The following RAPGEF4 variants were observed in gnomAD, a reference collection of about 807,000 sequenced individuals.
The protein encoded by RAPGEF4 is RAP guanine-nucleotide-exchange factor (GEF) 4.
A neutral mutation model predicts 147.9 loss-of-function variants in RAPGEF4; 66 were observed. The ratio of observed to expected loss-of-function variants is 0.45; its 90% confidence interval spans 0.37 to 0.55. The LOEUF (loss-of-function observed/expected upper bound fraction) is 0.55. RAPGEF4 is among the 20% of genes least tolerant of loss of function. The pLI is 0.00. For missense variants in RAPGEF4, 1,071 were observed against 1,257.3 expected, an observed-to-expected ratio of 0.85 and a Z score of 2.24; for synonymous variants, 419 against 442.7, an observed-to-expected ratio of 0.95 and a Z score of 0.67.
At chr2:172,919,906 A>G (rs1328214428) in intron 5 of RAPGEF4, among the ~76,000 whole-genome samples, 1 of 151,896 alleles carries the variant, frequency 6.6e-6, no homozygotes, top group East Asian at 1.9e-4. Context: ...GCCCGGGCCC[A>G]GCGCCCTTCC....
At chr2:172,858,783 G>A (rs988518234) in intron 4 of RAPGEF4, among the ~76,000 whole-genome samples, 1 of 152,168 alleles carries the variant, frequency 6.6e-6, no homozygotes, top group Non-Finnish European at 1.5e-5. Flanking sequence ...TATAATCTAA[G>A]AAGAACTGAT....
intron 3 of RAPGEF4, among the ~76,000 whole-genome samples, chr2:172,803,440 C>T (rs560195173): frequency 3.3e-5 from 5 of 152,324 alleles, no homozygotes; most frequent in Non-Finnish European, 7.3e-5. Context: ...TTGGTCATGG[C>T]TGGAGTGGCT....
intron 4 of RAPGEF4, among the ~76,000 whole-genome samples, chr2:172,865,846 GTA>G (rs1012474150): frequency 6.6e-6 from 1 of 151,842 alleles, no homozygotes; most frequent in Non-Finnish European, 1.5e-5. Flanking sequence ...ATGTGTGTGT[GTA>G]TATATATATT....
At chr2:172,767,075 G>C (rs1186421850) in intron 1 of RAPGEF4, among the ~76,000 whole-genome samples, 3 of 151,880 alleles carry the variant, frequency 2.0e-5, no homozygotes, top group African/African-American at 7.3e-5. Flanking sequence ...AAAAGTCATA[G>C]TTTTTTATAT....
chr2:173,045,341 C>T (rs1685326049), intron 29 of RAPGEF4, among the ~76,000 whole-genome samples: 1 of 152,128 alleles, frequency 6.6e-6, no homozygotes, highest in Admixed American at 6.5e-5. Flanking sequence ...ATAGCATCAT[C>T]TAGATCAAGG....
intron 4 of RAPGEF4, among the ~76,000 whole-genome samples, chr2:172,834,109 T>G (rs1319486402): frequency 6.6e-6 from 1 of 152,174 alleles, no homozygotes; most frequent in African/African-American, 2.4e-5. Context: ...ATTTTGAAAT[T>G]CTATCACGTG....
At chr2:172,834,931 T>A (rs2149683129) in intron 4 of RAPGEF4, among the ~76,000 whole-genome samples, 1 of 152,368 alleles carries the variant, frequency 6.6e-6, no homozygotes, top group Non-Finnish European at 1.5e-5. Context: ...GGCAATGTCA[T>A]CCTTATCAGC....
chr2:172,863,624 T>A (rs1370956158), intron 4 of RAPGEF4, among the ~76,000 whole-genome samples: 1 of 152,186 alleles, frequency 6.6e-6, no homozygotes, highest in African/African-American at 2.4e-5. Flanking sequence ...ACATAACCAT[T>A]CATTATGATT....
At chr2:172,953,032 G>A (rs1189931988) in intron 6 of RAPGEF4, among the ~76,000 whole-genome samples, 4 of 152,052 alleles carry the variant, frequency 2.6e-5, no homozygotes, top group Non-Finnish European at 2.9e-5. Context: ...TCCTGGAAGC[G>A]CTTCCTTCGT....
intron 15 of RAPGEF4, 25 bp from the exon 16 acceptor site, chr2:172,996,441 A>T: frequency 7.1e-7 from 1 of 1,402,224 alleles, no homozygotes; most frequent in Non-Finnish European, 9.7e-7. Flanking sequence ...TTGAAAAATT[A>T]ATGGCATTTT....
intron 17 of RAPGEF4, among the ~76,000 whole-genome samples, chr2:173,001,735 G>A (rs1343613683): frequency 2.6e-5 from 4 of 152,026 alleles, no homozygotes; most frequent in Admixed American, 6.6e-5. Flanking sequence ...GTGGCTGAAG[G>A]TGAAGGGGGA....
chr2:172,771,993 T>A (rs1378684281), intron 1 of RAPGEF4, among the ~76,000 whole-genome samples: 1 of 152,162 alleles, frequency 6.6e-6, no homozygotes, highest in Non-Finnish European at 1.5e-5. Flanking sequence ...ATCCCAACAC[T>A]TCGGGAGGCT....
intron 1 of RAPGEF4, among the ~76,000 whole-genome samples, chr2:172,790,212 G>A (rs1458933911): frequency 6.6e-6 from 1 of 152,038 alleles, no homozygotes; most frequent in Non-Finnish European, 1.5e-5. Context: ...GTGACAATGA[G>A]CACCTTTTCA....
intron 17 of RAPGEF4, among the ~76,000 whole-genome samples, chr2:173,005,507 G>C: frequency 7.9e-6 from 1 of 127,314 alleles, no homozygotes; most frequent in Non-Finnish European, 1.7e-5. Context: ...TGTTGTTGTT[G>C]TTGTTGTTTT....
intron 4 of RAPGEF4, among the ~76,000 whole-genome samples, chr2:172,890,164 G>A (rs779897052): frequency 2.6e-5 from 4 of 152,208 alleles, no homozygotes; most frequent in Non-Finnish European, 4.4e-5. Context: ...AGGTTCTGAC[G>A]CCAGATGCCT....
At chr2:172,968,807 C>T (rs757490414) in intron 10 of RAPGEF4, among the ~76,000 whole-genome samples, 1 of 152,180 alleles carries the variant, frequency 6.6e-6, no homozygotes, top group Non-Finnish European at 1.5e-5. Flanking sequence ...TGAGGGGGCA[C>T]AAGAGAATCC....
intron 11 of RAPGEF4, among the ~76,000 whole-genome samples, chr2:172,983,821 TGAGTAGGGTTG>T (rs1358129316): frequency 1.1e-4 from 16 of 152,320 alleles, no homozygotes; most frequent in Non-Finnish European, 4.4e-5. Flanking sequence ...CAGCCCCATG[TGAGTAGGGTTG>T]GAACATGGGC....
intron 25 of RAPGEF4, among the ~76,000 whole-genome samples, chr2:173,028,202 T>C (rs968168037): frequency 6.6e-6 from 1 of 152,266 alleles, no homozygotes; most frequent in Non-Finnish European, 1.5e-5. Flanking sequence ...CAAAAGCTGC[T>C]ATCTGTTAAT....
intron 4 of RAPGEF4, among the ~76,000 whole-genome samples, chr2:172,878,246 A>G (rs1696188388): frequency 1.3e-5 from 2 of 151,996 alleles, no homozygotes; most frequent in South Asian, 2.1e-4. Context: ...CACATTTTCT[A>G]TTGACAAGGT....
Sources: gnomAD v4.1 joint callset for allele counts (sites outside exome capture counted in the v4.1 genomes callset) on GRCh38, gnomAD v4.1.1 for gene constraint, MANE v1.5 for transcripts, NCBI Gene and HGNC (gene_info 2026-07-23, HGNC 2026-07-21) for gene names.